The following EYS variants were observed in gnomAD, a reference collection of about 807,000 sequenced individuals.
EYS encodes the protein protein eyes shut homolog.
EYS carries 250 observed loss-of-function variants against 282.1 expected under a neutral mutation model. The ratio of observed to expected loss-of-function variants is 0.89; its 90% CI spans 0.80 to 0.98. The LOEUF is 0.98. Ranked by LOEUF, EYS falls within the 50% of genes least tolerant of loss-of-function variation. The pLI is 0.00. For synonymous variants in EYS, 1,355 were observed against 1,282.9 expected, an observed-to-expected ratio of 1.06 and a Z score of -1.20; for missense variants, 4,016 against 3,709.0, an observed-to-expected ratio of 1.08 and a Z score of -2.15.
chr6:64,245,221 C>T (rs1356897439), intron 30 of EYS, among the ~76,000 whole-genome samples: 4 of 152,098 alleles, frequency 2.6e-5, no homozygotes. Context: ...GAATACTATG[C>T]AGTCATAAAA....
At chr6:65,469,748 T>A (rs1460878963) in intron 5 of EYS, among the ~76,000 whole-genome samples, 4 of 152,078 alleles carry the variant, frequency 2.6e-5, no homozygotes, top group Non-Finnish European at 5.9e-5. Context: ...GAATTCAAAC[T>A]TCAACATATC....
At chr6:64,173,537 T>TC (rs919531225) in intron 31 of EYS, among the ~76,000 whole-genome samples, 2 of 152,112 alleles carry the variant, frequency 1.3e-5, no homozygotes, top group Admixed American at 6.6e-5. Context: ...TTCCCATTTA[T>TC]CCCCCAAGTT....
rs117140369 is a variant in EYS, at chr6:65,292,863, A to G, written c.2023+3000T>C. Among the ~76,000 whole-genome samples the G allele has an allele frequency of 2.6e-5, 4 of 151,904 alleles. No individual in the cohort carries two copies. The East Asian group carries it at 7.8e-4, about 29-fold the overall frequency. The stretch of plus-strand genomic sequence containing the variant: ...GGTAACTTAGACCTAAAAATAGAAT[A>G]AAGTTGTCTGGTTGGCATTTTGGAG... On this transcript the variant is annotated intron_variant, in intron 12 of 42. Transcript: ENST00000503581.
intron 12 of EYS, among the ~76,000 whole-genome samples, chr6:65,083,223 C>A (rs1774274764): frequency 6.6e-6 from 1 of 151,952 alleles, no homozygotes. Context: ...GGTGGGGAGT[C>A]CTTCAATAGA....
intron 24 of EYS, among the ~76,000 whole-genome samples, chr6:64,609,700 T>C (rs778910430): frequency 1.6e-4 from 25 of 151,886 alleles, no homozygotes; most frequent in Non-Finnish European, 3.5e-4. Context: ...CCTGGCAACA[T>C]AGTGAGACCT....
At chr6:65,690,650 C>T (rs185115025) in intron 1 of EYS, among the ~76,000 whole-genome samples, 2 of 149,314 alleles carry the variant, frequency 1.3e-5, no homozygotes, top group African/African-American at 2.4e-5. Flanking sequence ...TCTTTTATTC[C>T]GTAGCAATAG....
At chr6:64,898,056 C>T (rs1252950923) in intron 18 of EYS, among the ~76,000 whole-genome samples, 1 of 152,136 alleles carries the variant, frequency 6.6e-6, no homozygotes, top group Non-Finnish European at 1.5e-5. Context: ...AGGAGAACTT[C>T]CCCACCTAGC....
chr6:65,479,553 T>C (rs1243164274), intron 5 of EYS, among the ~76,000 whole-genome samples: 1 of 152,182 alleles, frequency 6.6e-6, no homozygotes, highest in Non-Finnish European at 1.5e-5. Context: ...GTTTAATTTA[T>C]TTATGATAAG....
At chr6:64,650,963 G>A (rs925550720) in intron 22 of EYS, among the ~76,000 whole-genome samples, 1 of 151,852 alleles carries the variant, frequency 6.6e-6, no homozygotes, top group African/African-American at 2.4e-5. Context: ...ACTAATAGAA[G>A]AATAAATACA....
At chr6:64,817,921 G>A (rs1386901593) in intron 21 of EYS, among the ~76,000 whole-genome samples, 1 of 151,828 alleles carries the variant, frequency 6.6e-6, no homozygotes, top group Non-Finnish European at 1.5e-5. Flanking sequence ...TTTTTATTTA[G>A]AGAACTTACA....
intron 26 of EYS, among the ~76,000 whole-genome samples, chr6:64,522,010 T>C (rs1193678100): frequency 6.6e-6 from 1 of 151,736 alleles, no homozygotes; most frequent in Non-Finnish European, 1.5e-5. Flanking sequence ...AAATACACAT[T>C]TTTCATATGT....
chr6:65,588,049 T>A (rs1342382840), intron 2 of EYS, among the ~76,000 whole-genome samples: 6 of 152,068 alleles, frequency 3.9e-5, no homozygotes, highest in Admixed American at 6.6e-5. Flanking sequence ...TATTAAGATT[T>A]ACTATTAGAA....
At chr6:64,728,420 T>G (rs978162152) in intron 22 of EYS, among the ~76,000 whole-genome samples, 1 of 152,152 alleles carries the variant, frequency 6.6e-6, no homozygotes, top group African/African-American at 2.4e-5. Flanking sequence ...CTGCAAGCTC[T>G]GCCTCCCGGG....
chr6:65,220,346 A>C (rs1386096328), intron 12 of EYS, among the ~76,000 whole-genome samples: 1 of 152,172 alleles, frequency 6.6e-6, no homozygotes, highest in African/African-American at 2.4e-5. Context: ...CTGTGATGAT[A>C]AATGATAATA....
At chr6:65,000,977 C>T (rs9363314) in intron 13 of EYS, among the ~76,000 whole-genome samples, 10,310 of 152,226 alleles carry the variant, frequency 0.068, 436 homozygotes, top group East Asian at 0.13. Flanking sequence ...GCTCAGTTGC[C>T]GCAGCTGCTG....
chr6:65,640,825 T>C (rs1255631613), intron 1 of EYS, among the ~76,000 whole-genome samples: 1 of 152,160 alleles, frequency 6.6e-6, no homozygotes, highest in Non-Finnish European at 1.5e-5. Flanking sequence ...TGAAATTACT[T>C]AGGATCCTTG....
intron 22 of EYS, among the ~76,000 whole-genome samples, chr6:64,756,572 C>G (rs564374055): frequency 6.6e-6 from 1 of 152,080 alleles, no homozygotes; most frequent in African/African-American, 2.4e-5. Context: ...TTTTAAATAA[C>G]CTTTCATGTT....
chr6:63,894,708 T>C (rs372056670), intron 35 of EYS, among the ~76,000 whole-genome samples: 2 of 151,746 alleles, frequency 1.3e-5, no homozygotes, highest in Admixed American at 1.3e-4. Flanking sequence ...CAGCCTCCCA[T>C]GTAGCTGGCA....
chr6:64,197,518 G>A (rs562587674), intron 31 of EYS, among the ~76,000 whole-genome samples: 7 of 152,130 alleles, frequency 4.6e-5, no homozygotes, highest in East Asian at 1.9e-4. Context: ...AGTTCACTTA[G>A]CTTTTGGCTT....
Sources: allele counts gnomAD v4.1 joint callset (sites outside exome capture counted in the v4.1 genomes callset), GRCh38; gene constraint gnomAD v4.1.1; transcripts MANE v1.5; gene names NCBI Gene and HGNC (gene_info 2026-07-23, HGNC 2026-07-21).